The following C2CD5 variants were observed in gnomAD, a reference collection of about 807,000 sequenced individuals.
The protein encoded by C2CD5 is C2 calcium dependent domain containing 5.
C2CD5 carries 109 observed loss-of-function variants against 130.3 expected under a neutral mutation model. The ratio of observed to expected loss-of-function variants is 0.84; its 90% CI spans 0.72 to 0.98. C2CD5 has a LOEUF of 0.98. C2CD5 is among the 50% of genes least tolerant of loss of function. C2CD5 has a pLI of 0.00. For synonymous variants in C2CD5, 454 were observed against 429.2 expected (o/e 1.06, Z -0.71); for missense variants, 996 against 1,261.8 (o/e 0.79, Z 3.19).
rs111585798 is a variant in C2CD5, at chr12:22,471,366, A to G, written c.2358+33T>C. On this transcript the variant is annotated intron_variant, in intron 20 of 26. Transcript: ENST00000446597. The stretch of plus-strand genomic sequence containing the variant: ...TAATGAAAATAATAAAACAGATCAG[A>G]TAAAGACTAATAATGGACTAAATCT... 6 of 1,124,086 alleles carry G rather than the reference A, an allele frequency of 5.3e-6. No homozygotes were observed. The Admixed American group carries it at 7.2e-5, about 14-fold the overall frequency. 69.6% of individuals were successfully genotyped at this position (1,124,086 alleles called of 1,614,324 possible). A position where few individuals can be genotyped will look rare whatever the true frequency, so the allele number is the denominator to read the frequency against.
At chr12:22,519,222 G>A (rs899923255) in intron 7 of C2CD5, 27 of 1,535,782 alleles carry the variant, frequency 1.8e-5, no homozygotes, top group Non-Finnish European at 2.2e-5. Flanking sequence ...ATGGCTTGGA[G>A]GATGAACCAG....
At chr12:22,543,863 C>T (rs1952661934) in intron 2 of C2CD5, among the ~76,000 whole-genome samples, 198 bp downstream of exon 2, 1 of 152,160 alleles carries the variant, frequency 6.6e-6, no homozygotes, top group African/African-American at 2.4e-5. Context: ...GCGGACTGTG[C>T]CGCGGACGCC....
At chr12:22,500,459 T>C (rs1041080251) in intron 10 of C2CD5, among the ~76,000 whole-genome samples, 2 of 152,222 alleles carry the variant, frequency 1.3e-5, no homozygotes, top group African/African-American at 4.8e-5. Context: ...TTCTCCCATC[T>C]ATCCTTCAAA....
chr12:22,506,013 A>T (rs2136713255), intron 10 of C2CD5, among the ~76,000 whole-genome samples: 1 of 145,636 alleles, frequency 6.9e-6, no homozygotes, highest in East Asian at 1.9e-4. Context: ...GGTAGACTGG[A>T]GGGGACAGGT....
chr12:22,472,516 GT>G (rs926200821), intron 17 of C2CD5, 169 bp from the exon 18 acceptor site: 10 of 598,762 alleles, frequency 1.7e-5, no homozygotes, highest in Admixed American at 3.3e-5. Flanking sequence ...ATTATCACAG[GT>G]TTTTTTTTCC....
At chr12:22,470,647 A>G (rs1942875503) in intron 21 of C2CD5, among the ~76,000 whole-genome samples, 177 bp downstream of exon 21, 1 of 152,116 alleles carries the variant, frequency 6.6e-6, no homozygotes, top group Admixed American at 6.6e-5. Context: ...CGTGTGAAAA[A>G]TATCAAGTCA....
chr12:22,472,215 C>T (rs1943150503), intron 18 of C2CD5, 71 bp downstream of exon 18: 3 of 982,778 alleles, frequency 3.1e-6, no homozygotes, highest in Non-Finnish European at 4.6e-6. Context: ...AAAAAAAAGA[C>T]AAATATTTAA....
chr12:22,497,899 C>CACACACAT (rs1183696072), intron 10 of C2CD5, among the ~76,000 whole-genome samples: 5 of 89,458 alleles, frequency 5.6e-5, no homozygotes, highest in South Asian at 4.0e-4. Flanking sequence ...TACACGCATG[C>CACACACAT]ACACACATAC....
At chr12:22,453,353 A>G (rs975223245) in intron 26 of C2CD5, among the ~76,000 whole-genome samples, 1 of 152,182 alleles carries the variant, frequency 6.6e-6, no homozygotes, top group African/African-American at 2.4e-5. Flanking sequence ...ATTTCATACT[A>G]TTTAGTATAG....
At chr12:22,469,960 T>C (rs1370036743) in intron 21 of C2CD5, among the ~76,000 whole-genome samples, 165 bp from the exon 22 acceptor site, 1 of 152,160 alleles carries the variant, frequency 6.6e-6, no homozygotes, top group Non-Finnish European at 1.5e-5. Context: ...ACCATTCATC[T>C]GCATGATGCT....
chr12:22,499,458 G>A (rs1211607923), intron 10 of C2CD5, among the ~76,000 whole-genome samples: 1 of 152,202 alleles, frequency 6.6e-6, no homozygotes, highest in African/African-American at 2.4e-5. Flanking sequence ...CGACCTCAGA[G>A]ATCTGTTTTG....
At chr12:22,506,915 C>T (rs759369361) in intron 9 of C2CD5, 96 bp from the exon 10 acceptor site, 14 of 721,156 alleles carry the variant, frequency 1.9e-5, no homozygotes, top group Non-Finnish European at 3.5e-5. Flanking sequence ...GTATTACATC[C>T]CTTGAAATAA....
chr12:22,503,139 A>C (rs942147392), intron 10 of C2CD5, among the ~76,000 whole-genome samples: 1 of 152,224 alleles, frequency 6.6e-6, no homozygotes, highest in African/African-American at 2.4e-5. Flanking sequence ...AGCAGGTGGT[A>C]GTGGTTTTAA....
intron 12 of C2CD5, among the ~76,000 whole-genome samples, chr12:22,486,787 T>C (rs1163689936): frequency 6.6e-6 from 1 of 152,128 alleles, no homozygotes; most frequent in African/African-American, 2.4e-5. Context: ...GTGTGTAGTG[T>C]AAGAAAAAGA....
At chr12:22,535,371 A>ATT in intron 2 of C2CD5, 27 bp from the exon 3 acceptor site, 1 of 1,178,120 alleles carries the variant, frequency 8.5e-7, no homozygotes, top group Non-Finnish European at 1.3e-6. Flanking sequence ...AATTATTCAC[A>ATT]TATGAATATC....
intron 2 of C2CD5, among the ~76,000 whole-genome samples, chr12:22,540,575 C>T (rs1369891654): frequency 5.3e-5 from 8 of 152,158 alleles, no homozygotes; most frequent in Non-Finnish European, 1.2e-4. Context: ...ATAATAACAA[C>T]AGGCCAGGCG....
intron 10 of C2CD5, 107 bp downstream of exon 10, chr12:22,506,599 CTTTCT>C (rs1948567822): frequency 3.0e-6 from 2 of 670,662 alleles, no homozygotes; most frequent in Non-Finnish European, 5.3e-6. Context: ...CTAGTTTATA[CTTTCT>C]TTTCATTTCT....
chr12:22,479,078 A>ATT (rs934022392), intron 14 of C2CD5, among the ~76,000 whole-genome samples: 3 of 145,506 alleles, frequency 2.1e-5, no homozygotes, highest in African/African-American at 7.5e-5. Flanking sequence ...CTACCTCACA[A>ATT]TTTTTTTTTT....
At chr12:22,520,246 A>G (rs1346653218) in intron 7 of C2CD5, among the ~76,000 whole-genome samples, 3 of 152,138 alleles carry the variant, frequency 2.0e-5, no homozygotes, top group Non-Finnish European at 4.4e-5. Context: ...ACTCTGAAAA[A>G]CTATCATCCC....
Sources: allele counts gnomAD v4.1 joint callset (sites outside exome capture counted in the v4.1 genomes callset), GRCh38; gene constraint gnomAD v4.1.1; transcripts MANE v1.5; gene names NCBI Gene and HGNC (gene_info 2026-07-23, HGNC 2026-07-21).